NKAIN3: variants seen among roughly 807,000 people sequenced by gnomAD.
NKAIN3 encodes the protein sodium/potassium-transporting ATPase subunit beta-1-interacting protein 3.
Under a neutral mutation model 30.2 loss-of-function variants are expected in NKAIN3, and 25 were observed. The observed-to-expected ratio is 0.83, with a 90% confidence interval of 0.60 to 1.16. NKAIN3 has a LOEUF of 1.16. NKAIN3 is among the 50% of genes most tolerant of loss of function. The pLI is 0.00. For missense variants in NKAIN3, 225 were observed against 254.1 expected (o/e 0.89, Z 0.78); for synonymous variants, 91 against 89.6 (o/e 1.02, Z -0.09).
intron 3 of NKAIN3, among the ~76,000 whole-genome samples, chr8:62,639,120 G>A (rs76139951): frequency 0.012 from 1,884 of 152,216 alleles, 42 homozygotes; most frequent in East Asian, 0.058. Context: ...ATCACTGTAG[G>A]CTGAGGCAGA....
chr8:62,814,043 T>A (rs1300856319), intron 4 of NKAIN3, among the ~76,000 whole-genome samples: 2 of 152,118 alleles, frequency 1.3e-5, no homozygotes, highest in South Asian at 2.1e-4. Flanking sequence ...TGTGACTTGA[T>A]GTTTTTCTCT....
Position 62,931,233 on chromosome 8 carries a change from C to T in NKAIN3, c.532+12720C>T, listed in dbSNP as rs527949610. On this transcript the variant is annotated intron_variant, in intron 5 of 6. Transcript: ENST00000623646. ...AAATAAGCTCATTCATAAATTAAAT[C>T]TCAAGTTTTTATAACATTACACAAA... 5.9e-5 allele frequency among the ~76,000 whole-genome samples: 9 copies of T among 152,266 alleles called. No homozygotes were observed. In the South Asian group the frequency reaches 1.7e-3, roughly 28 times the overall value.
intron 1 of NKAIN3, among the ~76,000 whole-genome samples, chr8:62,565,006 C>G (rs991745566): frequency 5.3e-5 from 8 of 152,104 alleles, no homozygotes; most frequent in African/African-American, 1.9e-4. Context: ...GCTACACAAG[C>G]ATTTCATACA....
chr8:62,412,917 A>AC (rs980806320), intron 1 of NKAIN3, among the ~76,000 whole-genome samples: 10 of 82,392 alleles, frequency 1.2e-4, no homozygotes, highest in Admixed American at 2.4e-4. Context: ...GTCAAAAAAA[A>AC]AAAACAAAAA....
intron 6 of NKAIN3, among the ~76,000 whole-genome samples, chr8:62,958,039 T>C (rs986447459): frequency 6.6e-6 from 1 of 152,020 alleles, no homozygotes; most frequent in African/African-American, 2.4e-5. Flanking sequence ...AAATATTAAG[T>C]CTTTAAGGGG....
rs917447982 is a variant in NKAIN3 at position 62,435,966 on chromosome 8, A to G, written c.55-143573A>G. On this transcript the variant is annotated intron_variant, in intron 1 of 6. Coordinates refer to ENST00000623646, the MANE Select transcript of NKAIN3 (RefSeq NM_001304533.3). The stretch of plus-strand genomic sequence containing the variant: ...CAGTATGCCTTTATATGAGTATACA[A>G]TGCTTTAACACAATTAATTGTACTC... 3.3e-5 allele frequency among the ~76,000 whole-genome samples: 5 copies of G among 152,170 alleles called. No individual in the cohort carries two copies. The East Asian group carries it at 5.8e-4, about 18-fold the overall frequency.
intron 1 of NKAIN3, among the ~76,000 whole-genome samples, chr8:62,399,122 T>C (rs755567580): frequency 3.3e-5 from 5 of 152,086 alleles, no homozygotes; most frequent in Admixed American, 3.3e-4. Context: ...TGTCAAAATT[T>C]ATATGGGATA....
intron 4 of NKAIN3, among the ~76,000 whole-genome samples, chr8:62,915,998 G>T (rs1822089425): frequency 1.3e-5 from 2 of 152,092 alleles, no homozygotes; most frequent in South Asian, 4.1e-4. Context: ...ATGAAGAGAT[G>T]CCATTTTGTT....
intron 1 of NKAIN3, among the ~76,000 whole-genome samples, chr8:62,249,636 G>A (rs1030404543): frequency 1.3e-5 from 2 of 152,084 alleles, no homozygotes; most frequent in African/African-American, 2.4e-5. Flanking sequence ...ACCTTAAGCA[G>A]GTTGAAAAGT....
At chr8:62,927,168 C>A (rs1413726086) in intron 5 of NKAIN3, among the ~76,000 whole-genome samples, 2 of 152,068 alleles carry the variant, frequency 1.3e-5, no homozygotes, top group African/African-American at 4.8e-5. Context: ...ACTGACAGCA[C>A]TCCCTTCCTC....
intron 1 of NKAIN3, among the ~76,000 whole-genome samples, chr8:62,544,185 T>A (rs755384444): frequency 2.9e-4 from 44 of 152,162 alleles, no homozygotes; most frequent in Middle Eastern, 6.8e-3. Flanking sequence ...GTATTTTTTG[T>A]ACAGACATAG....
At chr8:62,621,100 G>A (rs1563487305) in intron 3 of NKAIN3, among the ~76,000 whole-genome samples, 1 of 152,086 alleles carries the variant, frequency 6.6e-6, no homozygotes, top group Admixed American at 6.6e-5. Context: ...CTTTACAGAA[G>A]GTCATTTACA....
At chr8:62,369,768 T>C (rs1353745826) in intron 1 of NKAIN3, among the ~76,000 whole-genome samples, 1 of 152,012 alleles carries the variant, frequency 6.6e-6, no homozygotes, top group African/African-American at 2.4e-5. Flanking sequence ...TGTTGTTTTT[T>C]TTTTTAAGAG....
intron 4 of NKAIN3, among the ~76,000 whole-genome samples, chr8:62,803,129 C>A (rs551475427): frequency 1.3e-5 from 2 of 152,190 alleles, no homozygotes; most frequent in South Asian, 2.1e-4. Flanking sequence ...CCTGAGTGAC[C>A]TACAAAGAGA....
At chr8:62,790,027 C>G (rs1413911542) in intron 4 of NKAIN3, among the ~76,000 whole-genome samples, 2 of 152,150 alleles carry the variant, frequency 1.3e-5, no homozygotes, top group South Asian at 2.1e-4. Context: ...AATTTTAGAC[C>G]AATATCCTTG....
chr8:62,910,787 G>C (rs1228881599), intron 4 of NKAIN3, among the ~76,000 whole-genome samples: 1 of 150,394 alleles, frequency 6.6e-6, no homozygotes, highest in South Asian at 2.1e-4. Flanking sequence ...TTGGTCTCCT[G>C]TTGGATTTCC....
intron 1 of NKAIN3, among the ~76,000 whole-genome samples, chr8:62,491,339 C>T (rs1215837235): frequency 2.0e-5 from 3 of 152,144 alleles, no homozygotes; most frequent in Admixed American, 6.6e-5. Flanking sequence ...TGGCCTTTAT[C>T]TCCATGTTGT....
intron 1 of NKAIN3, among the ~76,000 whole-genome samples, chr8:62,508,588 G>A (rs2129722073): frequency 6.6e-6 from 1 of 152,192 alleles, no homozygotes. Flanking sequence ...GGGAGAGCTT[G>A]ATAAAATAAT....
chr8:62,483,900 C>T (rs1214107156), intron 1 of NKAIN3: 2 of 168,166 alleles, frequency 1.2e-5, no homozygotes, highest in Non-Finnish European at 2.5e-5. Context: ...TCCTGCATTA[C>T]AACAGTACTC....
Sources: allele counts gnomAD v4.1 joint callset (sites outside exome capture counted in the v4.1 genomes callset), GRCh38; gene constraint gnomAD v4.1.1; transcripts MANE v1.5; gene names NCBI Gene and HGNC (gene_info 2026-07-23, HGNC 2026-07-21).